The following DNMT3B variants were observed in gnomAD, a reference collection of about 807,000 sequenced individuals.
DNMT3B encodes the protein DNA methyltransferase 3 beta.
DNMT3B carries 37 observed loss-of-function variants against 120.2 expected under a neutral mutation model. That is an observed-to-expected ratio of 0.31 (90% CI 0.24 to 0.40). The LOEUF (loss-of-function observed/expected upper bound fraction) is 0.40. Among genes scored for constraint, DNMT3B ranks in the 10% least tolerant of loss-of-function variants. The pLI is 1.00. For synonymous variants in DNMT3B, 412 were observed against 442.8 expected (o/e 0.93, Z 0.87); for missense variants, 878 against 1,137.3 (o/e 0.77, Z 3.28).
rs1982236740 is a variant in DNMT3B at position 32,808,894 on chromosome 20, T to C, written c.*991T>C. 2 of 223,482 alleles carry C rather than the reference T, an allele frequency of 8.9e-6. No individual in the cohort carries two copies. Among genetic ancestry groups the C allele is most frequent in the South Asian group, 1.8e-4 (1 of 5,434 alleles). 13.8% of individuals were successfully genotyped at this position (223,482 alleles called of 1,614,324 possible). ...ATCTTTTTACTAAACTCAGAGGCAGTGACAGCAGTCAGGGACAGACATACA... is the reference window on the plus strand; with the variant it reads ...ATCTTTTTACTAAACTCAGAGGCAGCGACAGCAGTCAGGGACAGACATACA... On this transcript the variant is annotated 3_prime_UTR_variant, in exon 23 of 23. Transcript: ENST00000328111.
At chr20:32,765,530 C>T (rs1247948766) in intron 1 of DNMT3B, among the ~76,000 whole-genome samples, 1 of 149,104 alleles carries the variant, frequency 6.7e-6, no homozygotes, top group East Asian at 2.0e-4. Flanking sequence ...AAGCAATTCT[C>T]CTGCCTCAAC....
At chr20:32,804,205 C>A (rs1009193028) in intron 20 of DNMT3B, among the ~76,000 whole-genome samples, 1 of 152,188 alleles carries the variant, frequency 6.6e-6, no homozygotes, top group African/African-American at 2.4e-5. Context: ...TGTGACTAAG[C>A]TCTGCAGGCT....
At chr20:32,787,594 A>C (rs1568840711) in intron 6 of DNMT3B, 143 bp downstream of exon 6, 1 of 990,550 alleles carries the variant, frequency 1.0e-6, no homozygotes, top group Non-Finnish European at 1.6e-6. Context: ...TTGAATTCTA[A>C]GTATCTTCCA....
intron 8 of DNMT3B, 131 bp from the exon 9 acceptor site, chr20:32,792,495 G>A: frequency 1.3e-6 from 2 of 1,490,524 alleles, no homozygotes; most frequent in South Asian, 2.3e-5. Flanking sequence ...CCACAGCCCA[G>A]GACAGCTGTC....
At chr20:32,796,215 G>C (rs187818790) in intron 12 of DNMT3B, among the ~76,000 whole-genome samples, 21 of 152,290 alleles carry the variant, frequency 1.4e-4, no homozygotes, top group Admixed American at 3.9e-4. Context: ...ACCCGGGGAA[G>C]AGCTTCGGTT....
chr20:32,762,498 C>A lies in DNMT3B; in HGVS notation c.-208C>A. On this transcript the variant is annotated 5_prime_UTR_variant, in exon 1 of 23. Coordinates refer to ENST00000328111, the MANE Select transcript of DNMT3B (RefSeq NM_006892.4). ...AGCGCCCCCCGACGGACGGGACCGGCTCCCTGGCGGTCGGGCGAGCGGGCG... is the reference window on the plus strand; with the variant it reads ...AGCGCCCCCCGACGGACGGGACCGGATCCCTGGCGGTCGGGCGAGCGGGCG... The A allele has an allele frequency of 7.8e-6, 2 of 256,048 alleles. No individual in the cohort carries two copies. The highest frequency in any genetic ancestry group is 1.6e-5 in the Non-Finnish European group (2 of 122,782). 15.9% of individuals were successfully genotyped at this position (256,048 alleles called of 1,614,324 possible).
In DNMT3B at chr20:32,809,001, T is replaced by G; in HGVS notation, c.*1098T>G. On this transcript the variant is annotated 3_prime_UTR_variant, in exon 23 of 23. Coordinates refer to ENST00000328111, the MANE Select transcript of DNMT3B (RefSeq NM_006892.4). ...CTCCCTTTGGAGATTTTTTAATCCT[T>G]TTTTATTCCATAAGAAGTCGTTTTT... 4.6e-6 allele frequency: 1 copy of G among 217,974 alleles called. No individual in the cohort carries two copies. The highest frequency in any genetic ancestry group is 6.8e-5 in the East Asian group (1 of 14,666). 13.5% of individuals were successfully genotyped at this position (217,974 alleles called of 1,614,324 possible). A position where few individuals can be genotyped will look rare whatever the true frequency, so the allele number is the denominator to read the frequency against.
chr20:32,766,978 CT>C (rs1319044490), intron 1 of DNMT3B, among the ~76,000 whole-genome samples: 1 of 152,082 alleles, frequency 6.6e-6, no homozygotes, highest in Non-Finnish European at 1.5e-5. Context: ...GCAACCTTTG[CT>C]TCCCGAGTTC....
At chr20:32,790,247 A>G (rs971834757) in intron 7 of DNMT3B, among the ~76,000 whole-genome samples, 2 of 152,232 alleles carry the variant, frequency 1.3e-5, no homozygotes, top group Admixed American at 1.3e-4. Flanking sequence ...TCCTGGGCCC[A>G]TGCTGGCAGT....
chr20:32,769,353 C>T (rs1987580980), intron 1 of DNMT3B, among the ~76,000 whole-genome samples: 2 of 152,314 alleles, frequency 1.3e-5, no homozygotes, highest in Non-Finnish European at 2.9e-5. Context: ...TCCCAAAGTA[C>T]TGGGATTACA....
At chr20:32,775,901 A>G (rs892902267) in intron 1 of DNMT3B, among the ~76,000 whole-genome samples, 3 of 152,224 alleles carry the variant, frequency 2.0e-5, no homozygotes, top group African/African-American at 7.2e-5. Flanking sequence ...TGTTGAAGGC[A>G]GGGGGATAAT....
At chr20:32,793,477 AACAGTCCAT>A in intron 9 of DNMT3B, 50 bp from the exon 10 acceptor site, 2 of 1,586,742 alleles carry the variant, frequency 1.3e-6, no homozygotes, top group Non-Finnish European at 1.7e-6. Flanking sequence ...CAAAAAAGAA[AACAGTCCAT>A]ACATTTAATG....
At chr20:32,794,371 A>C (rs887625468) in intron 10 of DNMT3B, among the ~76,000 whole-genome samples, 3 of 150,126 alleles carry the variant, frequency 2.0e-5, no homozygotes, top group African/African-American at 7.3e-5. Context: ...AAAAACCAAA[A>C]CAGAAACAAA....
At chr20:32,799,404 A>G in intron 16 of DNMT3B, 76 bp downstream of exon 16, 4 of 1,518,268 alleles carry the variant, frequency 2.6e-6, no homozygotes, top group Non-Finnish European at 3.6e-6. Context: ...GGCATGGTTA[A>G]GGTGTCTGAC....
intron 20 of DNMT3B, among the ~76,000 whole-genome samples, chr20:32,803,333 A>G (rs1024908233): frequency 1.4e-5 from 2 of 146,676 alleles, no homozygotes; most frequent in African/African-American, 5.5e-5. Context: ...CTCCTGTAGA[A>G]GGAGGCATGG....
intron 7 of DNMT3B, among the ~76,000 whole-genome samples, chr20:32,791,342 C>G (rs1170254995): frequency 1.3e-5 from 2 of 152,234 alleles, no homozygotes; most frequent in African/African-American, 4.8e-5. Context: ...TGCCTTCATT[C>G]AGAGTATCCT....
At chr20:32,766,206 T>C (rs1308087953) in intron 1 of DNMT3B, among the ~76,000 whole-genome samples, 1 of 152,070 alleles carries the variant, frequency 6.6e-6, no homozygotes, top group Non-Finnish European at 1.5e-5. Context: ...TAGCCAGGCG[T>C]GTTTGTGCAT....
intron 21 of DNMT3B, 83 bp downstream of exon 21, chr20:32,805,490 G>C (rs1197491777): frequency 6.5e-7 from 1 of 1,532,156 alleles, no homozygotes; most frequent in Non-Finnish European, 9.0e-7. Context: ...GTGTTTGATT[G>C]GTTCCTACTC....
In DNMT3B at chr20:32,806,244, C is replaced by G; in HGVS notation, c.2337C>G (p.Asn779Lys). The change falls in exon 22 of 23, where the codon AAC (asparagine) becomes AAG (lysine). Residue 779 changes from asparagine (N) to lysine (K), a missense_variant. By Grantham distance (94) the Asn-to-Lys change is moderately conservative. Around this residue, in one of 4 missense-constraint regions of DNMT3B, gnomAD observed 334 missense variants for 518.8 expected, o/e 0.64. Coordinates refer to ENST00000328111, the MANE Select transcript of DNMT3B (RefSeq NM_006892.4). ...KKVQTITTKSNSIKQGKNQLF... is the reference protein window; with the variant it reads ...KKVQTITTKSKSIKQGKNQLF... ...TACAGACAATAACCACCAAGTCGAA[C>G]TCGATCAAACAGGGGAAAAACCAAC... 6.2e-7 allele frequency: 1 copy of G among 1,614,194 alleles called. No homozygotes were observed. The highest frequency in any genetic ancestry group is 8.5e-7 in the Non-Finnish European group (1 of 1,180,038).
Sources: allele counts gnomAD v4.1 joint callset (sites outside exome capture counted in the v4.1 genomes callset), GRCh38; gene constraint gnomAD v4.1.1; regional missense constraint gnomAD v4.1.1; transcripts MANE v1.5; gene names NCBI Gene and HGNC (gene_info 2026-07-23, HGNC 2026-07-21).